Variants in SETDB1 observed in about 807,000 individuals in gnomAD.
SETDB1 encodes SET domain bifurcated histone lysine methyltransferase 1, also known as histone-lysine N-methyltransferase SETDB1.
Under a neutral mutation model 137.4 loss-of-function variants are expected in SETDB1, and 31 were observed. The ratio of observed to expected loss-of-function variants is 0.23; its 90% CI spans 0.17 to 0.30. The LOEUF (loss-of-function observed/expected upper bound fraction) is 0.30, where lower values mean the gene tolerates loss of function less well. Ranked by LOEUF, SETDB1 falls within the 10% of genes least tolerant of loss-of-function variation. SETDB1 has a pLI of 1.00. For missense variants in SETDB1, 1,113 were observed against 1,631.5 expected (o/e 0.68, Z 5.47); for synonymous variants, 548 against 579.9 (o/e 0.95, Z 0.79).
intron 9 of SETDB1, among the ~76,000 whole-genome samples, chr1:150,946,292 T>C (rs1432989267): frequency 6.6e-6 from 1 of 152,074 alleles, no homozygotes; most frequent in East Asian, 1.9e-4. Context: ...ATACCAGGAT[T>C]ATAGGTGTGA....
chr1:150,943,817 G>A (rs979750160), intron 7 of SETDB1, 103 bp from the exon 8 acceptor site: 49 of 724,622 alleles, frequency 6.8e-5, no homozygotes, highest in South Asian at 1.6e-4. Context: ...GGAGTGCATC[G>A]TGTTGTGATC....
chr1:150,927,324 C>T (rs1242888199), intron 1 of SETDB1, among the ~76,000 whole-genome samples: 1 of 152,122 alleles, frequency 6.6e-6, no homozygotes, highest in Non-Finnish European at 1.5e-5. Flanking sequence ...ACGAGTCTTG[C>T]CATGTTGCCC....
intron 14 of SETDB1, among the ~76,000 whole-genome samples, chr1:150,954,330 CAAG>C (rs767992675): frequency 2.0e-5 from 3 of 152,062 alleles, no homozygotes; most frequent in South Asian, 2.1e-4. Context: ...ATCTCTAAAA[CAAG>C]AGGAGGACAA....
rs747025670 is a variant in SETDB1, at chr1:150,946,985, G to A, written c.1240G>A (p.Gly414Arg). ...SSASALEKKQ[G>R]QLRTRPNMGA... is the part of the protein sequence containing the mutation. ...AGCCTCTGCACTGGAGAAGAAGCAA[G>A]GACAGCTCAGGACACGTCCAAATAT... Residue 414 changes from glycine (G) to arginine (R), a missense_variant, in exon 10 of 22, where the codon GGA becomes AGA. Coordinates refer to ENST00000692827, the MANE Select transcript of SETDB1 (RefSeq NM_001366418.1). 1.2e-6 allele frequency: 2 copies of A among 1,614,100 alleles called. No individual in the cohort carries two copies. Among genetic ancestry groups the A allele is most frequent in the South Asian group, 1.1e-5 (1 of 91,076 alleles).
At chr1:150,954,919 A>G (rs932017950) in intron 14 of SETDB1, among the ~76,000 whole-genome samples, 15 of 152,212 alleles carry the variant, frequency 9.9e-5, no homozygotes, top group African/African-American at 3.6e-4. Flanking sequence ...GTGCAGTGAA[A>G]GAGGCTTCCA....
chr1:150,942,698 A>C lies in SETDB1; in HGVS notation c.673+10A>C, dbSNP rs753784741. ...GCCATCCAGACAGTTGGTATGTGCA[A>C]ACTTGGAGGAACCACTCCTGAAAGG... On this transcript the variant is annotated intron_variant, in intron 6 of 21. Coordinates refer to ENST00000692827, the MANE Select transcript of SETDB1 (RefSeq NM_001366418.1). The C allele has an allele frequency of 3.9e-5, 63 of 1,609,128 alleles. No individual in the cohort carries two copies. The Admixed American group carries it at 1.0e-3, about 26-fold the overall frequency.
At chr1:150,948,792 G>A (rs1017398821) in intron 10 of SETDB1, among the ~76,000 whole-genome samples, 3 of 151,096 alleles carry the variant, frequency 2.0e-5, no homozygotes, top group African/African-American at 7.3e-5. Context: ...ATGTGATCTC[G>A]GCTCACTGCA....
chr1:150,929,962 A>G lies in SETDB1; in HGVS notation c.261-5A>G, dbSNP rs778729571. Reference sequence around the variant, plus strand: ...TGACCTTTTCTGCATGTGTTCCAATATTAGGGCAGTGACTAATTGTGAGTC... The same window carrying G: ...TGACCTTTTCTGCATGTGTTCCAATGTTAGGGCAGTGACTAATTGTGAGTC... On this transcript the variant is annotated splice_region_variant and splice_polypyrimidine_tract_variant and intron_variant, in intron 2 of 21. Coordinates refer to ENST00000692827, the MANE Select transcript of SETDB1 (RefSeq NM_001366418.1). The G allele has an allele frequency of 6.2e-7, 1 of 1,612,264 alleles. No homozygotes were observed. Among genetic ancestry groups the G allele is most frequent in the East Asian group, 2.2e-5 (1 of 44,846 alleles).
At chr1:150,949,851 C>T (rs1670444258) in intron 12 of SETDB1, among the ~76,000 whole-genome samples, 1 of 152,130 alleles carries the variant, frequency 6.6e-6, no homozygotes, top group Admixed American at 6.5e-5. Context: ...TTAGAACACG[C>T]AGCAGACCAA....
At chr1:150,963,880 A>G (rs587758691) in intron 20 of SETDB1, 115 bp from the exon 21 acceptor site, 9 of 1,269,598 alleles carry the variant, frequency 7.1e-6, no homozygotes, top group Non-Finnish European at 8.0e-6. Context: ...CTTTCAAAGC[A>G]TCTATTATAA....
In SETDB1 at chr1:150,951,010, T is replaced by C. The variant is rs185920456; in HGVS notation, c.2136T>C (p.Arg712=). The part of the protein sequence containing the change: ...PPPQVAYSKE[R]IPGKGVFINT... ...CCCAGGTGGCCTACAGCAAGGAACG[T>C]ATCCCGGGCAAGGGTGTTTTCATTA... is the stretch of plus-strand genomic sequence containing the variant. The change falls in exon 13 of 22, where the codon CGT becomes CGC. Residue 712 remains arginine, a synonymous_variant. Coordinates refer to ENST00000692827, the MANE Select transcript of SETDB1 (RefSeq NM_001366418.1). The C allele has an allele frequency of 7.9e-5, 128 of 1,614,160 alleles. 1 individual carries two copies. In the African/African-American group the frequency reaches 1.5e-3, roughly 19 times the overall value.
At chr1:150,933,368 C>CTTTTT (rs71090112) in intron 3 of SETDB1, among the ~76,000 whole-genome samples, 5 of 118,860 alleles carry the variant, frequency 4.2e-5, no homozygotes, top group African/African-American at 1.3e-4. Flanking sequence ...CCTATTTTGT[C>CTTTTT]TTTTTTTTTT....
intron 12 of SETDB1, 73 bp downstream of exon 12, chr1:150,949,598 T>C (rs1670438673): frequency 7.1e-7 from 1 of 1,409,762 alleles, no homozygotes; most frequent in Non-Finnish European, 9.8e-7. Flanking sequence ...GTTCCTTGGC[T>C]GTAAGCGAAG....
chr1:150,959,415 A>G, intron 15 of SETDB1, 68 bp downstream of exon 15: 1 of 1,333,342 alleles, frequency 7.5e-7, no homozygotes, highest in Non-Finnish European at 1.0e-6. Flanking sequence ...CCAGAGACAA[A>G]TTGAACATAA....
At chr1:150,958,254 C>T (rs796600871) in intron 14 of SETDB1, among the ~76,000 whole-genome samples, 691 of 92,954 alleles carry the variant, frequency 7.4e-3, no homozygotes, top group Middle Eastern at 0.014. Flanking sequence ...TTTCTTTTTT[C>T]TTTTTTTTTT....
In SETDB1 at chr1:150,963,554, T is replaced by C; in HGVS notation, c.3485T>C (p.Val1162Ala). ...MTGPMKRQVA[V>A]KSTRGFALKS... ...GGTCCAATGAAGCGTCAAGTGGCAG[T>C]AAAATCAACCCGAGGCTTTGCTCTT... The change falls in exon 20 of 22, where the codon GTA becomes GCA. Residue 1162 changes from valine (V) to alanine (A), a missense_variant. This residue lies in a region of SETDB1 where 373 missense variants were observed against 412.7 expected (regional missense o/e 0.90). Coordinates refer to ENST00000692827, the MANE Select transcript of SETDB1 (RefSeq NM_001366418.1). 1 of 1,613,712 alleles carries C rather than the reference T, an allele frequency of 6.2e-7. No individual in the cohort carries two copies. The highest frequency in any genetic ancestry group is 8.5e-7 in the Non-Finnish European group (1 of 1,179,702).
intron 15 of SETDB1, 128 bp downstream of exon 15, chr1:150,959,475 C>A: frequency 1.4e-6 from 1 of 732,864 alleles, no homozygotes; most frequent in Non-Finnish European, 2.3e-6. Context: ...CCAGGGACTT[C>A]TACAAAGAAC....
intron 7 of SETDB1, 147 bp downstream of exon 7, chr1:150,943,200 A>C: frequency 1.6e-6 from 1 of 612,066 alleles, no homozygotes; most frequent in Admixed American, 3.1e-5. Flanking sequence ...CACAGGAGTC[A>C]TGTGGGTGAT....
chr1:150,945,301 T>C (rs1358147929), intron 9 of SETDB1, 193 bp downstream of exon 9: 44 of 1,441,932 alleles, frequency 3.1e-5, no homozygotes, highest in Middle Eastern at 2.6e-4. Context: ...GAAAATAAAT[T>C]ATCTGAATTA....
Sources: allele counts gnomAD v4.1 joint callset (sites outside exome capture counted in the v4.1 genomes callset), GRCh38; gene constraint gnomAD v4.1.1; regional missense constraint gnomAD v4.1.1; transcripts MANE v1.5; gene names NCBI Gene and HGNC (gene_info 2026-07-23, HGNC 2026-07-21).